CRISP3: variants seen among roughly 807,000 people sequenced by gnomAD.
CRISP3 encodes the protein cysteine-rich secretory protein 3.
A neutral mutation model predicts 36.1 loss-of-function variants in CRISP3; 33 were observed. The ratio of observed to expected loss-of-function variants is 0.91; its 90% CI spans 0.69 to 1.22. The LOEUF (loss-of-function observed/expected upper bound fraction) is 1.22. CRISP3 is among the 50% of genes most tolerant of loss of function. CRISP3 has a pLI of 0.00. For synonymous variants in CRISP3, 117 were observed against 104.6 expected (o/e 1.12, Z -0.72); for missense variants, 330 against 301.2 (o/e 1.10, Z -0.71).
At chr6:49,734,891 T>C (rs1204316724) in intron 4 of CRISP3, among the ~76,000 whole-genome samples, 1 of 152,128 alleles carries the variant, frequency 6.6e-6, no homozygotes, top group Non-Finnish European at 1.5e-5. Context: ...GTATAGGTTA[T>C]GTCTTGCAGG....
chr6:49,742,835 G>A (rs754696166), intron 1 of CRISP3, among the ~76,000 whole-genome samples: 7 of 151,984 alleles, frequency 4.6e-5, no homozygotes, highest in Non-Finnish European at 1.0e-4. Flanking sequence ...ACATTAAAAA[G>A]CAAAGGAGGA....
intron 7 of CRISP3, among the ~76,000 whole-genome samples, chr6:49,729,478 C>T (rs905886404): frequency 5.9e-5 from 9 of 152,118 alleles, no homozygotes; most frequent in Admixed American, 3.3e-4. Context: ...GACATTTCTA[C>T]TTGGATGTCC....
At chr6:49,739,475 A>T (rs1769144978) in intron 1 of CRISP3, among the ~76,000 whole-genome samples, 1 of 152,188 alleles carries the variant, frequency 6.6e-6, no homozygotes, top group African/African-American at 2.4e-5. Context: ...AGAGGAGAGT[A>T]AAATTTTATT....
Position 49,732,247 on chromosome 6 carries a change from A to T in CRISP3, c.560+948T>A, listed in dbSNP as rs1768932453. On this transcript the variant is annotated intron_variant, in intron 6 of 7. Coordinates refer to ENST00000263045, the MANE Select transcript of CRISP3 (RefSeq NM_006061.4). ...CTCTAATGACCAGGCATTTGGAGGC[A>T]GTCTCCCAGGGTCTTTCAATTTTCT... Among the ~76,000 whole-genome samples, 3 of 152,210 alleles carry T rather than the reference A, an allele frequency of 2.0e-5. No homozygotes were observed. The South Asian group carries it at 6.2e-4, about 32-fold the overall frequency.
At chr6:49,732,159 T>G (rs1768930609) in intron 6 of CRISP3, among the ~76,000 whole-genome samples, 1 of 152,176 alleles carries the variant, frequency 6.6e-6, no homozygotes, top group South Asian at 2.1e-4. Context: ...AAGTTCTCTT[T>G]TCCCTGTTTT....
rs1256803148 is a variant in CRISP3 at position 49,735,513 on chromosome 6, G to A, written c.307C>T (p.Arg103Ter). 4.4e-6 allele frequency: 7 copies of A among 1,605,958 alleles called. No individual in the cohort carries two copies. The highest frequency in any genetic ancestry group is 2.2e-5 in the East Asian group (1 of 44,556). Reference protein sequence around the residue: ...CNYRHSNPKDRMTSLKCGENL... With the variant: ...CNYRHSNPKD ...TTCCTAATTTACATACTTGTCATTC[G>A]ATCCTTTGGGTTACTGTGTCTGTAA... The change falls in exon 4 of 8, where the codon CGA (arginine) becomes TGA (stop). Residue 103 changes from arginine (R) to a stop codon, truncating the protein, a stop_gained. Transcript: ENST00000263045. LOFTEE classifies it high-confidence loss of function.
chr6:49,739,516 A>G (rs1404172339), intron 1 of CRISP3, among the ~76,000 whole-genome samples: 2 of 152,148 alleles, frequency 1.3e-5, no homozygotes, highest in Non-Finnish European at 2.9e-5. Flanking sequence ...CCAATGCTTT[A>G]TGGAGAGAGA....
chr6:49,736,059 G>A (rs1769043806), intron 3 of CRISP3, among the ~76,000 whole-genome samples: 1 of 148,348 alleles, frequency 6.7e-6, no homozygotes, highest in South Asian at 2.1e-4. Context: ...ACCCTACATG[G>A]CATTTATCTT....
At position 49,735,560 on chromosome 6, in the gene CRISP3, T is replaced by G. The variant is rs577811592; in HGVS notation, c.260A>C (p.Gln87Pro). 1.1e-4 allele frequency: 176 copies of G among 1,612,794 alleles called. 1 individual carries two copies. In the East Asian group the frequency reaches 1.5e-3, roughly 14 times the overall value. ...EWNKEAAANAQKWANQCNYRH... is the reference protein window; with the variant it reads ...EWNKEAAANAPKWANQCNYRH... ...GTAATTGCACTGGTTTGCCCACTTT[T>G]GGGCATTTGCTGCAGCCTCTTTGTT... Residue 87 changes from glutamine to proline, a missense_variant, in exon 4 of 8, where the codon CAA becomes CCA. Physicochemically the swap from Gln to Pro is moderately conservative, Grantham distance 76. Transcript: ENST00000263045.
At chr6:49,732,501 C>T (rs1582190501) in intron 6 of CRISP3, among the ~76,000 whole-genome samples, 2 of 151,542 alleles carry the variant, frequency 1.3e-5, no homozygotes, top group South Asian at 2.1e-4. Context: ...GATTTTTTTT[C>T]GTGAGTAGGT....
chr6:49,733,128 T>G (rs1479230617), intron 6 of CRISP3, 67 bp downstream of exon 6: 11 of 686,894 alleles, frequency 1.6e-5, no homozygotes, highest in African/African-American at 5.6e-5. Context: ...TGCTTTTTAG[T>G]TTTTTTTTAT....
chr6:49,731,608 T>G (rs906102990), intron 6 of CRISP3, among the ~76,000 whole-genome samples: 1 of 151,922 alleles, frequency 6.6e-6, no homozygotes, highest in Non-Finnish European at 1.5e-5. Context: ...GTAAAACATA[T>G]CCCCTAGAGA....
chr6:49,743,188 A>G (rs1334335833), intron 1 of CRISP3, among the ~76,000 whole-genome samples: 1 of 152,112 alleles, frequency 6.6e-6, no homozygotes, highest in Non-Finnish European at 1.5e-5. Context: ...CTTTTTTTTC[A>G]AGGATGAATT....
At chr6:49,738,175 T>C (rs1003982075) in intron 1 of CRISP3, among the ~76,000 whole-genome samples, 33 of 152,320 alleles carry the variant, frequency 2.2e-4, no homozygotes, top group African/African-American at 6.7e-4. Context: ...ACATTCTTTA[T>C]CTCACTAATT....
At position 49,728,755 on chromosome 6, in the gene CRISP3, C is replaced by G. The variant is rs779078579; in HGVS notation, c.752G>C (p.Cys251Ser). The change falls in exon 8 of 8, where the codon TGC (cysteine) becomes TCC (serine). Residue 251 changes from cysteine (C) to serine (S), a missense_variant. Cys to Ser is a moderately radical substitution (Grantham distance 112). Coordinates refer to ENST00000263045, the MANE Select transcript of CRISP3 (RefSeq NM_006061.4). ...QLVRDSCKASCNCSNSIY is the reference protein window; with the variant it reads ...QLVRDSCKASSNCSNSIY Reference sequence around the variant, plus strand: ...TTAATAAATGCTGTTTGAACAATTGCAGGAGGCCTTGCAACTGTCCCTGAC... The same window carrying G: ...TTAATAAATGCTGTTTGAACAATTGGAGGAGGCCTTGCAACTGTCCCTGAC... 6.2e-7 allele frequency: 1 copy of G among 1,611,628 alleles called. No individual in the cohort carries two copies. The highest frequency in any genetic ancestry group is 1.1e-5 in the South Asian group (1 of 90,448).
intron 1 of CRISP3, among the ~76,000 whole-genome samples, chr6:49,738,019 C>T (rs903031082): frequency 6.6e-6 from 1 of 152,130 alleles, no homozygotes; most frequent in Non-Finnish European, 1.5e-5. Flanking sequence ...TAACTCCTTT[C>T]CTCTCAAAAC....
chr6:49,734,506 C>T (rs557151345), intron 4 of CRISP3, among the ~76,000 whole-genome samples: 41 of 151,884 alleles, frequency 2.7e-4, no homozygotes, highest in Non-Finnish European at 5.4e-4. Context: ...TTTTTCAAGC[C>T]CTAAAATTAA....
chr6:49,735,683 C>G, intron 3 of CRISP3, 92 bp from the exon 4 acceptor site: 1 of 863,160 alleles, frequency 1.2e-6, no homozygotes, highest in Non-Finnish European at 1.8e-6. Flanking sequence ...TGATTTACAT[C>G]ATCATAAAAT....
At chr6:49,730,937 G>T (rs1029788757) in intron 7 of CRISP3, among the ~76,000 whole-genome samples, 2 of 152,182 alleles carry the variant, frequency 1.3e-5, no homozygotes, top group Non-Finnish European at 1.5e-5. Context: ...AGCTACTCAG[G>T]AGGCTGAGGC....
Sources: allele counts gnomAD v4.1 joint callset (sites outside exome capture counted in the v4.1 genomes callset), GRCh38; gene constraint gnomAD v4.1.1; transcripts MANE v1.5; gene names NCBI Gene and HGNC (gene_info 2026-07-23, HGNC 2026-07-21).